SCAPER: variants seen among roughly 807,000 people sequenced by gnomAD.
The protein encoded by SCAPER is S phase cyclin A-associated protein in the endoplasmic reticulum.
In SCAPER, 98 loss-of-function variants were observed where a neutral mutation model predicts 182.2. The observed-to-expected ratio is 0.54, with a 90% CI of 0.46 to 0.64. SCAPER has a LOEUF of 0.64. Ranked by LOEUF, SCAPER falls within the 30% of genes least tolerant of loss-of-function variation. SCAPER has a pLI of 0.00. For synonymous variants in SCAPER, 605 were observed against 564.6 expected, an observed-to-expected ratio of 1.07 and a Z score of -1.01; for missense variants, 1,432 against 1,690.0, an observed-to-expected ratio of 0.85 and a Z score of 2.68.
intron 29 of SCAPER, among the ~76,000 whole-genome samples, chr15:76,371,862 G>A (rs1376304331): frequency 1.3e-5 from 2 of 151,830 alleles, no homozygotes; most frequent in Non-Finnish European, 2.9e-5. Flanking sequence ...AGGTTGTGGT[G>A]AGCCAACATG....
At chr15:76,432,211 C>A (rs183752926) in intron 26 of SCAPER, among the ~76,000 whole-genome samples, 1 of 152,130 alleles carries the variant, frequency 6.6e-6, no homozygotes, top group Non-Finnish European at 1.5e-5. Flanking sequence ...AATTCTACAA[C>A]GACCAAAAGG....
chr15:76,812,000 T>C (rs898490180), intron 5 of SCAPER, among the ~76,000 whole-genome samples: 2 of 151,354 alleles, frequency 1.3e-5, no homozygotes, highest in Admixed American at 6.6e-5. Context: ...AAGATAACAA[T>C]AGAAATAAAT....
chr15:76,658,267 A>G (rs573479220), intron 21 of SCAPER, among the ~76,000 whole-genome samples: 1 of 152,290 alleles, frequency 6.6e-6, no homozygotes, highest in African/African-American at 2.4e-5. Flanking sequence ...CTACACACCA[A>G]CATCCAAGCT....
At chr15:76,465,168 T>G (rs188405353) in intron 25 of SCAPER, among the ~76,000 whole-genome samples, 43 of 152,346 alleles carry the variant, frequency 2.8e-4, no homozygotes, top group Non-Finnish European at 5.0e-4. Context: ...AACAAAATAC[T>G]GTTATAAACA....
At chr15:76,751,129 T>C (rs989306634) in intron 15 of SCAPER, among the ~76,000 whole-genome samples, 2 of 151,662 alleles carry the variant, frequency 1.3e-5, no homozygotes, top group African/African-American at 4.8e-5. Context: ...AACAACTCCA[T>C]TAACAATAGC....
At chr15:76,745,296 A>C (rs2061735712) in intron 15 of SCAPER, among the ~76,000 whole-genome samples, 1 of 152,060 alleles carries the variant, frequency 6.6e-6, no homozygotes, top group South Asian at 2.1e-4. Flanking sequence ...AAAAAATAAA[A>C]AAATTAGCCA....
At chr15:76,811,436 A>G (rs1208981934) in intron 5 of SCAPER, among the ~76,000 whole-genome samples, 3 of 152,242 alleles carry the variant, frequency 2.0e-5, no homozygotes, top group African/African-American at 4.8e-5. Context: ...AAGTTTTAAA[A>G]TATCTTGAGA....
chr15:76,364,589 G>C (rs1205379462), intron 29 of SCAPER, among the ~76,000 whole-genome samples: 2 of 152,280 alleles, frequency 1.3e-5, no homozygotes, highest in African/African-American at 4.8e-5. Context: ...TATGGGAAAA[G>C]GCTGTGTGCT....
chr15:76,519,720 TC>T (rs2042697873), intron 23 of SCAPER, among the ~76,000 whole-genome samples: 1 of 152,190 alleles, frequency 6.6e-6, no homozygotes, highest in African/African-American at 2.4e-5. Flanking sequence ...GGCTAATACT[TC>T]CTATCTCAAG....
intron 29 of SCAPER, among the ~76,000 whole-genome samples, chr15:76,362,551 T>C (rs2041510356): frequency 6.6e-6 from 1 of 151,938 alleles, no homozygotes; most frequent in South Asian, 2.1e-4. Flanking sequence ...CAGCTGGGAT[T>C]ACAGGCAGGT....
intron 23 of SCAPER, among the ~76,000 whole-genome samples, chr15:76,518,143 G>A (rs2042577477): frequency 6.6e-6 from 1 of 152,132 alleles, no homozygotes; most frequent in African/African-American, 2.4e-5. Flanking sequence ...GGGAAAATGT[G>A]GGACCAGGGT....
rs538081600 is a variant in SCAPER, at chr15:76,431,976, TA to T, written c.3311+2101del. ...AAAAATACCTCCTAAAGGAAGGTAT[TA>T]AAAGAAGGATTTGGTAATTATAATA... is the stretch of plus-strand genomic sequence containing the variant. On this transcript the variant is annotated intron_variant, in intron 26 of 31. Transcript: ENST00000563290. Among the ~76,000 whole-genome samples the T allele has an allele frequency of 1.4e-3, 218 of 152,270 alleles. 2 individuals carry two copies. Among genetic ancestry groups the T allele is most frequent in the African/African-American group, 4.8e-3 (198 of 41,544 alleles).
chr15:76,459,328 A>G (rs2048975546), intron 25 of SCAPER, among the ~76,000 whole-genome samples: 1 of 152,058 alleles, frequency 6.6e-6, no homozygotes, highest in Non-Finnish European at 1.5e-5. Flanking sequence ...ATTCTTTTCT[A>G]TGGCTAAGTA....
chr15:76,521,396 A>AC (rs1282608174), intron 23 of SCAPER, among the ~76,000 whole-genome samples: 2 of 151,092 alleles, frequency 1.3e-5, no homozygotes, highest in Non-Finnish European at 3.0e-5. Context: ...GGTCAGAAAA[A>AC]AAAACCCCAA....
At chr15:76,476,595 ATT>A (rs5813839) in intron 24 of SCAPER, among the ~76,000 whole-genome samples, 1,888 of 73,238 alleles carry the variant, frequency 0.026, 8 homozygotes, top group African/African-American at 0.09. Context: ...CACCCAGCTA[ATT>A]TTTTTTTTTT....
At chr15:76,351,148 C>T (rs970016919) in intron 31 of SCAPER, 89 bp downstream of exon 31, 1 of 1,099,816 alleles carries the variant, frequency 9.1e-7, no homozygotes, top group Non-Finnish European at 1.3e-6. Context: ...TAAAATTTTA[C>T]ATATAATGTA....
intron 29 of SCAPER, among the ~76,000 whole-genome samples, chr15:76,355,746 A>C (rs1318052366): frequency 1.3e-5 from 2 of 152,138 alleles, no homozygotes; most frequent in African/African-American, 4.8e-5. Context: ...ACTGGAACTT[A>C]CTCCATTTGG....
intron 23 of SCAPER, among the ~76,000 whole-genome samples, chr15:76,511,843 A>ATATATGTGTG (rs151255382): frequency 0.041 from 4,990 of 122,962 alleles, 146 homozygotes; most frequent in East Asian, 0.066. Flanking sequence ...ATATATATAT[A>ATATATGTGTG]TGTGTGTGTG....
At chr15:76,834,350 T>C (rs2068751960) in intron 5 of SCAPER, among the ~76,000 whole-genome samples, 1 of 152,084 alleles carries the variant, frequency 6.6e-6, no homozygotes, top group Non-Finnish European at 1.5e-5. Flanking sequence ...GCTACAGCAA[T>C]AGTAAGAGGA....
Sources: allele counts gnomAD v4.1 joint callset (sites outside exome capture counted in the v4.1 genomes callset), GRCh38; gene constraint gnomAD v4.1.1; transcripts MANE v1.5; gene names NCBI Gene and HGNC (gene_info 2026-07-23, HGNC 2026-07-21).